Variants in SLC39A1 observed in about 807,000 individuals in gnomAD.
SLC39A1 encodes the protein solute carrier family 39 member 1.
A neutral mutation model predicts 21.4 loss-of-function variants in SLC39A1; 17 were observed. The observed-to-expected ratio is 0.79, with a 90% CI of 0.54 to 1.19. The LOEUF is 1.19. Ranked by LOEUF, SLC39A1 falls within the 50% of genes most tolerant of loss-of-function variation. SLC39A1 has a pLI of 0.00. For synonymous variants in SLC39A1, 183 were observed against 185.9 expected (o/e 0.98, Z 0.13); for missense variants, 343 against 399.8 (o/e 0.86, Z 1.21).
In SLC39A1 at chr1:153,960,199, G is replaced by A. The variant is rs757056105; in HGVS notation, c.874C>T (p.Leu292=). ...TFLYITFLEI[L]PQELASSEQR... is the part of the protein sequence containing the mutation. ...TCAGAACTGGCCAGCTCCTGGGGCA[G>A]GATTTCCAGAAAGGTGATATAGAGA... The change falls in exon 4 of 4, where the codon CTG becomes TTG. Residue 292 remains leucine (L), a synonymous_variant. Coordinates refer to ENST00000356205, the MANE Select transcript of SLC39A1 (RefSeq NM_001271958.2). 1 of 1,614,140 alleles carries A rather than the reference G, an allele frequency of 6.2e-7. No homozygotes were observed. Among genetic ancestry groups the A allele is most frequent in the Admixed American group, 1.7e-5 (1 of 60,014 alleles).
At chr1:153,967,417 C>G (rs922632163), upstream of SLC39A1, 9 of 152,212 alleles carry the variant, frequency 5.9e-5, no homozygotes, top group African/African-American at 1.9e-4. Flanking sequence ...GAGCTTTCTC[C>G]CAGCTTCCCG....
chr1:153,966,272 T>C (rs961966448), upstream of SLC39A1, among the ~76,000 whole-genome samples: 1 of 152,158 alleles, frequency 6.6e-6, no homozygotes, highest in Admixed American at 6.5e-5. Context: ...CAAGGTGGGT[T>C]GATAGTGTGA....
Position 153,960,175 on chromosome 1 carries a change from C to T in SLC39A1, c.898G>A (p.Glu300Lys). ...AGAATGACCTTGAGGATCCTTTGCT[C>T]AGAACTGGCCAGCTCCTGGGGCAGG... Reference protein sequence around the residue: ...EILPQELASSEQRILKVILLL... With the variant: ...EILPQELASSKQRILKVILLL... The change falls in exon 4 of 4, where the codon GAG (glutamate) becomes AAG (lysine). Residue 300 changes from glutamate to lysine, a missense_variant. Glu to Lys is a moderately conservative substitution (Grantham distance 56). Coordinates refer to ENST00000356205, the MANE Select transcript of SLC39A1 (RefSeq NM_001271958.2). 1 of 1,614,208 alleles carries T rather than the reference C, an allele frequency of 6.2e-7. No individual in the cohort carries two copies. Among genetic ancestry groups the T allele is most frequent in the Non-Finnish European group, 8.5e-7 (1 of 1,180,040 alleles).
chr1:153,962,428 C>T, intron 2 of SLC39A1, 78 bp from the exon 3 acceptor site: 1 of 1,577,858 alleles, frequency 6.3e-7, no homozygotes. Context: ...CAAACAATGG[C>T]TACCCTTGCC....
chr1:153,962,644 A>G lies in SLC39A1; in HGVS notation c.72T>C (p.Pro24=). The change falls in exon 2 of 4, where the codon CCT becomes CCC. Residue 24 remains proline, a synonymous_variant. Coordinates refer to ENST00000356205, the MANE Select transcript of SLC39A1 (RefSeq NM_001271958.2). ...PEAVASEPPV[P]VGLEVKLGAL... ...CCCCCAACTTCACCTCCAGCCCCAC[A>G]GGCACTGGAGGCTCTGAAGCTACCG... is the stretch of plus-strand genomic sequence containing the variant. The G allele has an allele frequency of 1.1e-5, 17 of 1,612,756 alleles. No individual in the cohort carries two copies. The highest frequency in any genetic ancestry group is 1.4e-5 in the Non-Finnish European group (17 of 1,179,486).
chr1:153,965,703 C>T (rs988770973), upstream of SLC39A1, among the ~76,000 whole-genome samples: 7 of 151,962 alleles, frequency 4.6e-5, no homozygotes, highest in Admixed American at 1.3e-4. Context: ...TCTCCCGCCT[C>T]GGCCTCCCGA....
Position 153,960,740 on chromosome 1 carries a change from C to T in SLC39A1, c.333G>A (p.Leu111=). The T allele has an allele frequency of 6.2e-7, 1 of 1,609,104 alleles. No homozygotes were observed. The highest frequency in any genetic ancestry group is 8.5e-7 in the Non-Finnish European group (1 of 1,179,108). The change falls in exon 4 of 4, where the codon CTG becomes CTA. Residue 111 remains leucine (L), a synonymous_variant. Transcript: ENST00000356205. ...AALHVTLQFP[L]QEFILAMGFF... is the part of the protein sequence containing the mutation. ...AGCCCATGGCCAGGATGAACTCTTG[C>T]AGTGGGAACTGGAGCTGTGGGCAGA...
At chr1:153,962,799 G>A in intron 1 of SLC39A1, 52 bp from the exon 2 acceptor site, 1 of 1,367,916 alleles carries the variant, frequency 7.3e-7, no homozygotes, top group Non-Finnish European at 9.7e-7. Flanking sequence ...GGAAGATGGG[G>A]CAAGGAATGG....
Position 153,959,514 on chromosome 1 carries a change from T to C in SLC39A1, c.*584A>G. 2.6e-6 allele frequency: 1 copy of C among 382,672 alleles called. No individual in the cohort carries two copies. Among genetic ancestry groups the C allele is most frequent in the Non-Finnish European group, 4.6e-6 (1 of 216,216 alleles). 23.7% of individuals were successfully genotyped at this position (382,672 alleles called of 1,614,324 possible). The stretch of plus-strand genomic sequence containing the variant: ...TGCTTTGAGAAAGAGGAAGGGGATT[T>C]GTTTGGCACTTTAAAAATAGAGGAG... On this transcript the variant is annotated 3_prime_UTR_variant, in exon 4 of 4. Coordinates refer to ENST00000356205, the MANE Select transcript of SLC39A1 (RefSeq NM_001271958.2).
At chr1:153,961,970 G>A (rs1647466051) in intron 3 of SLC39A1, among the ~76,000 whole-genome samples, 1 of 152,132 alleles carries the variant, frequency 6.6e-6, no homozygotes, top group Non-Finnish European at 1.5e-5. Context: ...AACCCATAGA[G>A]CAAGTCACAC....
At chr1:153,964,200 G>A (rs750331045), upstream of SLC39A1, among the ~76,000 whole-genome samples, 1 of 152,270 alleles carries the variant, frequency 6.6e-6, no homozygotes, top group Non-Finnish European at 1.5e-5. Flanking sequence ...GCCCAGGGAA[G>A]AGCCCCCAGC....
chr1:153,966,688 C>A (rs954702640), upstream of SLC39A1: 21 of 152,176 alleles, frequency 1.4e-4, no homozygotes, highest in African/African-American at 5.1e-4. Flanking sequence ...CATGGAAATG[C>A]CTGACTAGAC....
Position 153,959,342 on chromosome 1 carries a change from T to A in SLC39A1, c.*756A>T, listed in dbSNP as rs1021324875. ...TGTCCATGTCCCCATATTCCTAGGG[T>A]ACAGCAGCAGTAGATGGCTGCAACA... On this transcript the variant is annotated 3_prime_UTR_variant, in exon 4 of 4. Coordinates refer to ENST00000356205, the MANE Select transcript of SLC39A1 (RefSeq NM_001271958.2). 6.3e-5 allele frequency: 25 copies of A among 398,546 alleles called. No homozygotes were observed. The highest frequency in any genetic ancestry group is 1.1e-4 in the Non-Finnish European group (24 of 225,976). The allele number at this position is 398,546 out of a possible 1,614,324, so 24.7% of individuals were successfully genotyped here.
chr1:153,963,015 GC>G, intron 1 of SLC39A1: 1 of 298,264 alleles, frequency 3.4e-6, no homozygotes, highest in Non-Finnish European at 6.2e-6. Flanking sequence ...TTCACCTGGT[GC>G]CCCCAGAAAA....
upstream of SLC39A1, among the ~76,000 whole-genome samples, chr1:153,964,101 C>G (rs1433314733): frequency 6.6e-6 from 1 of 152,248 alleles, no homozygotes; most frequent in Non-Finnish European, 1.5e-5. Context: ...ATCATCCCTT[C>G]TCGACTACTT....
rs774636294 is a variant in SLC39A1 at position 153,959,447 on chromosome 1, C to T, written c.*651G>A. On this transcript the variant is annotated 3_prime_UTR_variant, in exon 4 of 4. Coordinates refer to ENST00000356205, the MANE Select transcript of SLC39A1 (RefSeq NM_001271958.2). ...ACCAAAATAAAGAGCAAGCAGGCCC[C>T]CTTCACTGAGGTGCTGGGTAGGGCT... 1.0e-5 allele frequency: 4 copies of T among 396,260 alleles called. No individual in the cohort carries two copies. The highest frequency in any genetic ancestry group is 1.8e-5 in the Non-Finnish European group (4 of 224,982). The allele number at this position is 396,260 out of a possible 1,614,324, so 24.5% of individuals were successfully genotyped here. A position where few individuals can be genotyped will look rare whatever the true frequency, so the allele number is the denominator to read the frequency against.
chr1:153,960,422 G>C lies in SLC39A1; in HGVS notation c.651C>G (p.His217Gln). The C allele has an allele frequency of 6.2e-7, 1 of 1,614,004 alleles. No individual in the cohort carries two copies. Among genetic ancestry groups the C allele is most frequent in the South Asian group, 1.1e-5 (1 of 91,086 alleles). Residue 217 changes from histidine to glutamine, a missense_variant, in exon 4 of 4, where the codon CAC (histidine) becomes CAG (glutamine). Physicochemically the swap from His to Gln is conservative, Grantham distance 24. Transcript: ENST00000356205. ...ACAGGCTGACAGCCAGGATGCCCTT[G>C]TGGAGCAGCAAAGCCAGGCACAGCT... ...AMELCLALLL[H>Q]KGILAVSLSL...
chr1:153,962,692 C>T lies in SLC39A1; in HGVS notation c.24G>A (p.Glu8=). 1 of 1,604,188 alleles carries T rather than the reference C, an allele frequency of 6.2e-7. No individual in the cohort carries two copies. Among genetic ancestry groups the T allele is most frequent in the Non-Finnish European group, 8.5e-7 (1 of 1,175,476 alleles). ...CCGCCTCGGGGCGCCACACCAGGAG[C>T]TCTGGCTCTCCCCAGGGCCCCATGA... MGPWGEP[E]LLVWRPEAVA... Residue 8 remains glutamate, a synonymous_variant, in exon 2 of 4, where the codon GAG becomes GAA. Transcript: ENST00000356205.
chr1:153,961,109 C>T lies in SLC39A1; in HGVS notation c.319-355G>A, dbSNP rs149971779. 4.5e-4 allele frequency among the ~76,000 whole-genome samples: 68 copies of T among 152,196 alleles called. 1 individual carries two copies. In the East Asian group the frequency reaches 0.013, roughly 29 times the overall value. ...TGGCCAACATGGTGAAACCCTGTCT[C>T]TACTAAAAATACAAAAATTGGCAGG... On this transcript the variant is annotated intron_variant, in intron 3 of 3. Transcript: ENST00000356205.
Sources: gnomAD v4.1 joint callset for allele counts (sites outside exome capture counted in the v4.1 genomes callset) on GRCh38, gnomAD v4.1.1 for gene constraint, MANE v1.5 for transcripts, NCBI Gene and HGNC (gene_info 2026-07-23, HGNC 2026-07-21) for gene names.